EXD3: variants seen among roughly 807,000 people sequenced by gnomAD.
EXD3 encodes the protein exonuclease mut-7 homolog.
EXD3 carries 92 observed loss-of-function variants against 98.0 expected under a neutral mutation model. That is an observed-to-expected ratio of 0.94 (90% CI 0.79 to 1.12). The LOEUF (loss-of-function observed/expected upper bound fraction) is 1.12, where lower values mean the gene tolerates loss of function less well. Among genes scored for constraint, EXD3 ranks in the 50% most tolerant of loss-of-function variants. The pLI is 0.00. For synonymous variants in EXD3, 569 were observed against 526.0 expected (o/e 1.08, Z -1.12); for missense variants, 1,222 against 1,191.6 (o/e 1.03, Z -0.38).
chr9:137,419,241 G>A (rs183641053), intron 1 of EXD3, among the ~76,000 whole-genome samples: 63 of 152,270 alleles, frequency 4.1e-4, no homozygotes, highest in African/African-American at 1.5e-3. Context: ...GTTATCAGTC[G>A]TGATTACGAT....
chr9:137,332,662 T>A (rs1368228174), intron 17 of EXD3, among the ~76,000 whole-genome samples: 1 of 150,698 alleles, frequency 6.6e-6, no homozygotes, highest in East Asian at 1.9e-4. Context: ...GCTAAAACAG[T>A]GAAACCCCGT....
At chr9:137,336,963 T>C (rs1248457119) in intron 17 of EXD3, among the ~76,000 whole-genome samples, 1 of 152,104 alleles carries the variant, frequency 6.6e-6, no homozygotes, top group Non-Finnish European at 1.5e-5. Context: ...AGGCAAAGAC[T>C]GTCAGACTAG....
chr9:137,355,696 A>C, intron 8 of EXD3, among the ~76,000 whole-genome samples: 1 of 76,730 alleles, frequency 1.3e-5, no homozygotes, highest in South Asian at 7.6e-4. Context: ...GGAGAAAGGG[A>C]GGAAGGAGGA....
At chr9:137,323,607 T>C (rs1365836178) in intron 19 of EXD3, 118 bp downstream of exon 19, 4 of 1,406,180 alleles carry the variant, frequency 2.8e-6, no homozygotes, top group Non-Finnish European at 3.9e-6. Context: ...CGAGGGATGC[T>C]CTGCCGACAC....
chr9:137,372,617 G>C (rs1835685706), intron 5 of EXD3, among the ~76,000 whole-genome samples: 1 of 152,248 alleles, frequency 6.6e-6, no homozygotes, highest in African/African-American at 2.4e-5. Context: ...GACCCTGTGA[G>C]TGTGAGGGCC....
In EXD3 at chr9:137,356,322, T is replaced by C. The variant is rs746812243; in HGVS notation, c.703A>G (p.Lys235Glu). Residue 235 changes from lysine (K) to glutamate (E), a missense_variant, in exon 8 of 22, where the codon AAG becomes GAG. Coordinates refer to ENST00000340951, the MANE Select transcript of EXD3 (RefSeq NM_017820.5). ...CGCAAGACCTGCCTGCTCAGCGCCT[T>C]CGGACTCAGCTTCTCCAGGCTCAAG... ...TSLSLEKLSP[K>E]ALSRQVLRLQ... 6.2e-7 allele frequency: 1 copy of C among 1,604,990 alleles called. No individual in the cohort carries two copies. Among genetic ancestry groups the C allele is most frequent in the Non-Finnish European group, 8.5e-7 (1 of 1,176,242 alleles).
chr9:137,307,495 C>A (rs1213902520), intron 21 of EXD3, 113 bp downstream of exon 21: 9 of 1,405,072 alleles, frequency 6.4e-6, no homozygotes, highest in African/African-American at 2.9e-5. Context: ...CTACAGGAGC[C>A]CCACAGAGCC....
At chr9:137,355,302 A>G (rs1834573509) in intron 8 of EXD3, among the ~76,000 whole-genome samples, 1 of 152,114 alleles carries the variant, frequency 6.6e-6, no homozygotes, top group Non-Finnish European at 1.5e-5. Context: ...TGCGGCAGCC[A>G]GTGGTGCTAA....
Position 137,393,246 on chromosome 9 carries a change from A to G in EXD3, c.55+2057T>C, listed in dbSNP as rs1423360232. 1.4e-6 allele frequency: 1 copy of G among 702,466 alleles called. No homozygotes were observed. The highest frequency in any genetic ancestry group is 1.5e-5 in the South Asian group (1 of 67,594). The allele number at this position is 702,466 out of a possible 1,614,324, so 43.5% of individuals were successfully genotyped here. A position where few individuals can be genotyped will look rare whatever the true frequency, so the allele number is the denominator to read the frequency against. On this transcript the variant is annotated intron_variant, in intron 2 of 21. Transcript: ENST00000340951. This position sits in a 1 kb window ranked among gnomAD's most constrained non-coding sequence, Gnocchi z 4.6. ...GAAGCCTGTGGGTGCCTGTGCAGGGAGAGTCAGCTCTGTGCTGAGGCGAAC... is the reference window on the plus strand; with the variant it reads ...GAAGCCTGTGGGTGCCTGTGCAGGGGGAGTCAGCTCTGTGCTGAGGCGAAC...
intron 5 of EXD3, among the ~76,000 whole-genome samples, chr9:137,369,411 G>A (rs571271876): frequency 1.3e-4 from 20 of 152,292 alleles, no homozygotes; most frequent in African/African-American, 4.8e-4. Flanking sequence ...GTTCAGAACC[G>A]CAGGGTGGTC....
chr9:137,372,774 T>C lies in EXD3; in HGVS notation c.462+131A>G, dbSNP rs73583519. 1,650 of 953,338 alleles carry C rather than the reference T, an allele frequency of 1.7e-3. 26 individuals carry two copies. In the African/African-American group the frequency reaches 0.025, roughly 15 times the overall value. The allele number at this position is 953,338 out of a possible 1,614,324, so 59.1% of individuals were successfully genotyped here. A position where few individuals can be genotyped will look rare whatever the true frequency, so the allele number is the denominator to read the frequency against. On this transcript the variant is annotated intron_variant, in intron 5 of 21. Transcript: ENST00000340951. ...CAGCTGATGGCTGCCCACGGCCGGGTCCTTGATACCTCCATGTAGACCAGA... is the reference window on the plus strand; with the variant it reads ...CAGCTGATGGCTGCCCACGGCCGGGCCCTTGATACCTCCATGTAGACCAGA...
intron 20 of EXD3, 76 bp from the exon 21 acceptor site, chr9:137,307,722 A>T: frequency 6.4e-7 from 1 of 1,552,306 alleles, no homozygotes; most frequent in Non-Finnish European, 8.8e-7. Flanking sequence ...TCCATGACGC[A>T]GCCATGCGGC....
At chr9:137,354,633 T>G (rs779419502) in intron 9 of EXD3, 67 bp downstream of exon 9, 1 of 1,598,502 alleles carries the variant, frequency 6.3e-7, no homozygotes, top group South Asian at 1.1e-5. Flanking sequence ...GCAGTGAGTA[T>G]CCCAGGCCAA....
chr9:137,337,546 G>T (rs956385337), intron 17 of EXD3, among the ~76,000 whole-genome samples: 8 of 151,990 alleles, frequency 5.3e-5, no homozygotes, highest in Admixed American at 2.6e-4. Context: ...AGCTACTTGG[G>T]AGGCTGAGGC....
intron 17 of EXD3, among the ~76,000 whole-genome samples, chr9:137,328,662 C>A (rs1352815730): frequency 2.0e-5 from 1 of 50,838 alleles, no homozygotes; most frequent in Non-Finnish European, 3.4e-5. Context: ...CTACACGGGA[C>A]TACACGGGAC....
At chr9:137,337,038 T>C (rs145005718) in intron 17 of EXD3, among the ~76,000 whole-genome samples, 2 of 152,126 alleles carry the variant, frequency 1.3e-5, no homozygotes, top group African/African-American at 4.8e-5. Context: ...AAAAGAAGGT[T>C]GAAAGTAAAA....
At chr9:137,413,965 G>A (rs1425740352) in intron 1 of EXD3, among the ~76,000 whole-genome samples, 1 of 144,892 alleles carries the variant, frequency 6.9e-6, no homozygotes, top group Admixed American at 7.1e-5. Context: ...TGCTCAGGCT[G>A]GAGTGCAGTG....
intron 19 of EXD3, among the ~76,000 whole-genome samples, chr9:137,320,957 CT>C: frequency 6.6e-6 from 1 of 152,336 alleles, no homozygotes; most frequent in East Asian, 1.9e-4. Flanking sequence ...CCTGCCGCCC[CT>C]GGAGCCCAAG....
intron 17 of EXD3, among the ~76,000 whole-genome samples, chr9:137,336,682 G>A (rs1474675554): frequency 6.9e-6 from 1 of 145,242 alleles, no homozygotes; most frequent in Non-Finnish European, 1.5e-5. Flanking sequence ...AAAAATTCTA[G>A]GGCAATCCCT....
Sources: allele counts gnomAD v4.1 joint callset (sites outside exome capture counted in the v4.1 genomes callset), GRCh38; gene constraint gnomAD v4.1.1; non-coding constraint Gnocchi (gnomAD v3.1); transcripts MANE v1.5; gene names NCBI Gene and HGNC (gene_info 2026-07-23, HGNC 2026-07-21).